The following RAP1GAP variants were observed in gnomAD, a reference collection of about 807,000 sequenced individuals.
RAP1GAP encodes RAP1 GTPase activating protein.
In RAP1GAP, 35 loss-of-function variants were observed where a neutral mutation model predicts 87.2. That is an observed-to-expected ratio of 0.40 (90% CI 0.31 to 0.53). The LOEUF is 0.53. Ranked by LOEUF, RAP1GAP falls within the 20% of genes least tolerant of loss-of-function variation. The pLI, the probability that RAP1GAP is intolerant of heterozygous loss-of-function variation, is 0.48. For synonymous variants in RAP1GAP, 375 were observed against 363.9 expected (o/e 1.03, Z -0.35); for missense variants, 734 against 898.9 (o/e 0.82, Z 2.35).
rs773811617 is a variant in RAP1GAP at position 21,608,195 on chromosome 1, A to G, written c.1296+18T>C. The G allele has an allele frequency of 6.2e-7, 1 of 1,612,536 alleles. No homozygotes were observed. The highest frequency in any genetic ancestry group is 1.3e-5 in the African/African-American group (1 of 74,856). ...CCACGTCCCTGCTCCCCGGCCAGTTAGACCTGGGGCCCTTCACCTTGAAAG... is the reference window on the plus strand; with the variant it reads ...CCACGTCCCTGCTCCCCGGCCAGTTGGACCTGGGGCCCTTCACCTTGAAAG... On this transcript the variant is annotated intron_variant, in intron 17 of 24. Transcript: ENST00000374765.
chr1:21,606,013 G>C (rs1381508903), intron 18 of RAP1GAP, 53 bp downstream of exon 18: 2 of 1,533,296 alleles, frequency 1.3e-6, no homozygotes, highest in African/African-American at 2.7e-5. Flanking sequence ...GCAGAGGAGA[G>C]CTGAGGGCCC....
chr1:21,603,936 GCAGAGAGAGAGAGA>G lies in RAP1GAP; in HGVS notation c.1429-1037_1429-1024del. ...GACTGGCAAGCAGCAGAGGGCGGGG[GCAGAGAGAGAGAGA>G]CAGAGAGAGAGTCAGAGAGCAAGAG... On this transcript the variant is annotated intron_variant, in intron 18 of 24. Coordinates refer to ENST00000374765, the MANE Select transcript of RAP1GAP (RefSeq NM_002885.4). The surrounding 1 kb of genome is among the most constrained non-coding windows in gnomAD (Gnocchi z 6.0). The G allele has an allele frequency of 6.7e-7, 1 of 1,493,228 alleles. No individual in the cohort carries two copies. 92.5% of individuals were successfully genotyped at this position (1,493,228 alleles called of 1,614,324 possible).
chr1:21,659,811 G>C (rs149618568), intron 1 of RAP1GAP, among the ~76,000 whole-genome samples: 4 of 152,320 alleles, frequency 2.6e-5, no homozygotes, highest in Non-Finnish European at 4.4e-5. Context: ...TGTGCCAAGT[G>C]CTTTCATCCA....
intron 1 of RAP1GAP, among the ~76,000 whole-genome samples, chr1:21,652,498 CCTT>C (rs1490963349): frequency 6.6e-6 from 1 of 152,142 alleles, no homozygotes; most frequent in African/African-American, 2.4e-5. Context: ...AATAGCCCCT[CCTT>C]GCCCACCTGT....
At position 21,617,421 on chromosome 1, in the gene RAP1GAP, G is replaced by A. The variant is rs1419338554; in HGVS notation, c.176C>T (p.Thr59Ile). 6.2e-7 allele frequency: 1 copy of A among 1,605,830 alleles called. No homozygotes were observed. The change falls in exon 7 of 25, where the codon ACC becomes ATC. Residue 59 changes from threonine to isoleucine, a missense_variant. By Grantham distance (89) the Thr-to-Ile change is moderately conservative. Transcript: ENST00000374765. ...PQFGGYWIEG[T>I]NHEITSIPET... ...GGGGATGCTGGTGATTTCGTGGTTG[G>A]TGCCCTCAATCCAGTAGCCCCCAAA...
intron 2 of RAP1GAP, among the ~76,000 whole-genome samples, chr1:21,641,564 T>C (rs1365086696): frequency 6.6e-6 from 1 of 152,228 alleles, no homozygotes; most frequent in East Asian, 1.9e-4. Flanking sequence ...AAGGACCGTG[T>C]CTGTCAGGTT....
At chr1:21,660,012 C>G (rs970119260) in intron 1 of RAP1GAP, among the ~76,000 whole-genome samples, 5 of 152,022 alleles carry the variant, frequency 3.3e-5, no homozygotes, top group African/African-American at 9.7e-5. Flanking sequence ...AAAAGTCCTT[C>G]CAACAGTACA....
chr1:21,642,246 C>T (rs1481954487), intron 2 of RAP1GAP, among the ~76,000 whole-genome samples: 13 of 152,368 alleles, frequency 8.5e-5, no homozygotes, highest in African/African-American at 2.6e-4. Flanking sequence ...AGAGTCTACA[C>T]ACCAAGCGCA....
intron 2 of RAP1GAP, among the ~76,000 whole-genome samples, chr1:21,639,119 G>A (rs1255414181): frequency 6.6e-6 from 1 of 152,226 alleles, no homozygotes; most frequent in Non-Finnish European, 1.5e-5. Flanking sequence ...TGTGGGGACA[G>A]GGCTGTCTAC....
Position 21,602,874 on chromosome 1 carries a change from A to T in RAP1GAP, c.1468T>A (p.Ser490Thr). The T allele has an allele frequency of 1.2e-6, 2 of 1,609,518 alleles. No homozygotes were observed. The change falls in exon 19 of 25, where the codon TCG (serine) becomes ACG (threonine). Residue 490 changes from serine (S) to threonine (T), a missense_variant. Transcript: ENST00000374765. ...CTGCGGCGGGAGCCGAACGGGCCCG[A>T]CTTCTTCCTCGTGGGGCTCTTCCCA... is the stretch of plus-strand genomic sequence containing the variant. ...VPGKSPTRKK[S>T]GPFGSRRSSA... is the part of the protein sequence containing the mutation.
At position 21,596,600 on chromosome 1, in the gene RAP1GAP, G is replaced by C. The variant is rs1229817318; in HGVS notation, c.*699C>G. ...GTGGCAGAACTGGAGGGTCCAGGAGGCATACTGGGCACAGCCGGCTCCCTG... is the reference window on the plus strand; with the variant it reads ...GTGGCAGAACTGGAGGGTCCAGGAGCCATACTGGGCACAGCCGGCTCCCTG... On this transcript the variant is annotated 3_prime_UTR_variant, in exon 25 of 25. Transcript: ENST00000374765. The C allele has an allele frequency of 6.6e-6, 1 of 152,368 alleles. No homozygotes were observed. Among genetic ancestry groups the C allele is most frequent in the Non-Finnish European group, 1.5e-5 (1 of 68,162 alleles). The allele number at this position is 152,368 out of a possible 1,614,324, so 9.4% of individuals were successfully genotyped here.
Position 21,613,998 on chromosome 1 carries a change from C to T in RAP1GAP, c.383G>A (p.Arg128Gln), listed in dbSNP as rs982541125. The change falls in exon 8 of 25, where the codon CGG becomes CAG. Residue 128 changes from arginine (R) to glutamine (Q), a missense_variant. Coordinates refer to ENST00000374765, the MANE Select transcript of RAP1GAP (RefSeq NM_002885.4). This position sits in a 1 kb window ranked among gnomAD's most constrained non-coding sequence, Gnocchi z 4.7. ...CCACCACCCTCACCTGAGCAGCAGC[C>T]GCAGGTGCTCTTGGTCCCCGATGAC... ...YDVIGDQEHL[R>Q]LLLRTKCRTY... The T allele has an allele frequency of 1.8e-5, 29 of 1,609,820 alleles. No homozygotes were observed. The highest frequency in any genetic ancestry group is 1.7e-5 in the Admixed American group (1 of 59,744).
chr1:21,652,034 G>A (rs1403710539), intron 1 of RAP1GAP: 3 of 201,756 alleles, frequency 1.5e-5, no homozygotes, highest in Non-Finnish European at 2.6e-5. Context: ...CGGGGGCTTC[G>A]CGGGACTTTC....
At chr1:21,614,299 G>A (rs2275362) in intron 7 of RAP1GAP, among the ~76,000 whole-genome samples, 3 of 152,020 alleles carry the variant, frequency 2.0e-5, no homozygotes, top group African/African-American at 2.4e-5. Context: ...TCACTTGGCC[G>A]CTCTGTGCCT....
chr1:21,619,301 G>C (rs1169070011), intron 4 of RAP1GAP, among the ~76,000 whole-genome samples: 4 of 152,140 alleles, frequency 2.6e-5, no homozygotes, highest in East Asian at 3.9e-4. Context: ...TGGGGACTCT[G>C]CGGGAACGCA....
chr1:21,598,029 A>C lies in RAP1GAP; in HGVS notation c.1915T>G (p.Leu639Val). 6.4e-7 allele frequency: 1 copy of C among 1,572,386 alleles called. No individual in the cohort carries two copies. Among genetic ancestry groups the C allele is most frequent in the Non-Finnish European group, 8.6e-7 (1 of 1,158,132 alleles). Residue 639 changes from leucine (L) to valine (V), a missense_variant, in exon 23 of 25, where the codon TTG (leucine) becomes GTG (valine). Leu to Val is a conservative substitution (Grantham distance 32, BLOSUM62 1). Coordinates refer to ENST00000374765, the MANE Select transcript of RAP1GAP (RefSeq NM_002885.4). ...ATCTCGGGACACGCAGGGTCCCCCA[A>C]CTTGCCGGCGTCTGGGTGGGGTGAT... ...SRSPHPDAGK[L>V]GDPACPEIKI... is the part of the protein sequence containing the mutation.
At chr1:21,602,470 C>T (rs1331751563) in intron 19 of RAP1GAP, among the ~76,000 whole-genome samples, 1 of 152,250 alleles carries the variant, frequency 6.6e-6, no homozygotes, top group Non-Finnish European at 1.5e-5. Flanking sequence ...CAGCACTAGG[C>T]CCTCCCACAT....
chr1:21,619,359 A>G (rs2084929392), intron 4 of RAP1GAP, among the ~76,000 whole-genome samples: 1 of 140,104 alleles, frequency 7.1e-6, no homozygotes. Context: ...CCGGTGTGCG[A>G]GCTGGCGGGT....
At chr1:21,612,348 G>C (rs2078927438) in intron 10 of RAP1GAP, among the ~76,000 whole-genome samples, 1 of 152,116 alleles carries the variant, frequency 6.6e-6, no homozygotes, top group Admixed American at 6.5e-5. Context: ...TTTGACCCCA[G>C]GTCTGTTGGA....
Sources: allele counts gnomAD v4.1 joint callset (sites outside exome capture counted in the v4.1 genomes callset), GRCh38; gene constraint gnomAD v4.1.1; non-coding constraint Gnocchi (gnomAD v3.1); transcripts MANE v1.5; gene names NCBI Gene and HGNC (gene_info 2026-07-23, HGNC 2026-07-21).